The following LARS2 variants were observed in gnomAD, a reference collection of about 807,000 sequenced individuals.
LARS2 encodes leucyl-tRNA synthetase 2, mitochondrial, also known as leucine--tRNA ligase, mitochondrial.
Under a neutral mutation model 116.6 loss-of-function variants are expected in LARS2, and 81 were observed. The observed-to-expected ratio is 0.69, with a 90% CI of 0.58 to 0.84. The LOEUF (loss-of-function observed/expected upper bound fraction) is 0.84, where lower values mean the gene tolerates loss of function less well. Ranked by LOEUF, LARS2 falls within the 40% of genes least tolerant of loss-of-function variation. LARS2 has a pLI of 0.00. For missense variants in LARS2, 968 were observed against 1,114.5 expected, an observed-to-expected ratio of 0.87 and a Z score of 1.87; for synonymous variants, 396 against 407.2, an observed-to-expected ratio of 0.97 and a Z score of 0.33.
chr3:45,435,188 C>T (rs986078894), intron 6 of LARS2, among the ~76,000 whole-genome samples: 1 of 152,152 alleles, frequency 6.6e-6, no homozygotes, highest in African/African-American at 2.4e-5. Context: ...CTCCATTCGA[C>T]CTCCTCTGAC....
chr3:45,474,933 G>T (rs1343980249), intron 9 of LARS2, among the ~76,000 whole-genome samples: 1 of 152,200 alleles, frequency 6.6e-6, no homozygotes, highest in Non-Finnish European at 1.5e-5. Context: ...CTTAGGGATT[G>T]TGTTTGAAAC....
chr3:45,454,520 G>A (rs1699184064), intron 7 of LARS2, among the ~76,000 whole-genome samples: 1 of 152,178 alleles, frequency 6.6e-6, no homozygotes, highest in Non-Finnish European at 1.5e-5. Flanking sequence ...AATCGACCCA[G>A]AGCTCAGTGT....
At chr3:45,415,899 A>AGAGAGAGAGAGGGG (rs1698412932) in intron 4 of LARS2, among the ~76,000 whole-genome samples, 2 of 120,134 alleles carry the variant, frequency 1.7e-5, no homozygotes, top group Non-Finnish European at 3.4e-5. Context: ...AGAGGGAGAG[A>AGAGAGAGAGAGGGG]GAGAGAGAGA....
Position 45,485,731 on chromosome 3 carries a change from A to G in LARS2, c.1058A>G (p.Gln353Arg). 1 of 1,612,016 alleles carries G rather than the reference A, an allele frequency of 6.2e-7. No individual in the cohort carries two copies. The highest frequency in any genetic ancestry group is 8.5e-7 in the Non-Finnish European group (1 of 1,179,026). ...TPVMAVNMLT[Q>R]QEVPVVILAK... ...GTAATGGCTGTGAACATGCTTACCC[A>G]GCAGGAGGTCCCTGTCGTTATTTTG... Residue 353 changes from glutamine to arginine, a missense_variant, in exon 11 of 22, where the codon CAG becomes CGG. Coordinates refer to ENST00000645846, the MANE Select transcript of LARS2 (RefSeq NM_015340.4).
intron 20 of LARS2, among the ~76,000 whole-genome samples, chr3:45,540,131 C>T (rs932145909): frequency 5.9e-5 from 9 of 151,718 alleles, no homozygotes. Flanking sequence ...TGGTGGCAGG[C>T]GCCTGTAACC....
chr3:45,435,730 G>A (rs1356235170), intron 6 of LARS2, among the ~76,000 whole-genome samples: 2 of 151,752 alleles, frequency 1.3e-5, no homozygotes, highest in Admixed American at 1.3e-4. Flanking sequence ...GGGGCTTACC[G>A]GGCATTTAAA....
chr3:45,519,833 A>G (rs974846690), intron 18 of LARS2: 1 of 167,542 alleles, frequency 6.0e-6, no homozygotes, highest in African/African-American at 2.4e-5. Flanking sequence ...ATTTTTGTAG[A>G]AATGGGGTTT....
At chr3:45,427,245 A>C (rs1342473223) in intron 6 of LARS2, among the ~76,000 whole-genome samples, 3 of 152,214 alleles carry the variant, frequency 2.0e-5, no homozygotes, top group African/African-American at 7.2e-5. Context: ...GGTCTTGAAG[A>C]TGAGATTGTT....
Position 45,524,091 on chromosome 3 carries a change from C to A in LARS2, c.2387C>A (p.Thr796Asn). ...VMAAPLAPHVTSEIWAGLALV... is the reference protein window; with the variant it reads ...VMAAPLAPHVNSEIWAGLALV... ...GCTGCTCCACTGGCCCCTCATGTAACCTCAGAGATCTGGGCAGGTACGTGG... is the reference window on the plus strand; with the variant it reads ...GCTGCTCCACTGGCCCCTCATGTAAACTCAGAGATCTGGGCAGGTACGTGG... Residue 796 changes from threonine (T) to asparagine (N), a missense_variant, in exon 20 of 22, where the codon ACC (threonine) becomes AAC (asparagine). Coordinates refer to ENST00000645846, the MANE Select transcript of LARS2 (RefSeq NM_015340.4). The A allele has an allele frequency of 6.2e-7, 1 of 1,611,348 alleles. No individual in the cohort carries two copies. The highest frequency in any genetic ancestry group is 1.1e-5 in the South Asian group (1 of 91,034).
chr3:45,520,916 A>G (rs558720789), intron 19 of LARS2, among the ~76,000 whole-genome samples: 1 of 152,360 alleles, frequency 6.6e-6, no homozygotes, highest in African/African-American at 2.4e-5. Context: ...GGCCAGGCAC[A>G]GTGGCTCATG....
In LARS2 at chr3:45,548,008, T is replaced by C. The variant is rs1700899856; in HGVS notation, c.*478T>C. The C allele has an allele frequency of 6.5e-6, 1 of 153,714 alleles. No individual in the cohort carries two copies. Among genetic ancestry groups the C allele is most frequent in the Admixed American group, 6.5e-5 (1 of 15,322 alleles). 9.5% of individuals were successfully genotyped at this position (153,714 alleles called of 1,614,324 possible). Reference sequence around the variant, plus strand: ...TGGAACTGCTAACTGAGCCTCCAGATGGTAGTGAATGGTCTCTTTGCCTTC... The same window carrying C: ...TGGAACTGCTAACTGAGCCTCCAGACGGTAGTGAATGGTCTCTTTGCCTTC... On this transcript the variant is annotated 3_prime_UTR_variant, in exon 22 of 22. Transcript: ENST00000645846.
intron 6 of LARS2, among the ~76,000 whole-genome samples, chr3:45,430,747 A>G (rs1193308463): frequency 5.1e-5 from 7 of 137,280 alleles, no homozygotes; most frequent in East Asian, 2.2e-4. Context: ...ACCACGCCGG[A>G]CTAATTTTTT....
chr3:45,540,029 G>A (rs969903505), intron 20 of LARS2, among the ~76,000 whole-genome samples: 4 of 152,086 alleles, frequency 2.6e-5, no homozygotes, highest in African/African-American at 7.2e-5. Context: ...CCAGTGCTTC[G>A]GGTGCATCAC....
chr3:45,505,147 A>ACT (rs1700181377), intron 15 of LARS2, among the ~76,000 whole-genome samples: 1 of 151,908 alleles, frequency 6.6e-6, no homozygotes, highest in Non-Finnish European at 1.5e-5. Context: ...CAAACAGATA[A>ACT]AAGTTTATAT....
At chr3:45,390,960 C>A (rs1267656040) in intron 1 of LARS2, among the ~76,000 whole-genome samples, 1 of 152,056 alleles carries the variant, frequency 6.6e-6, no homozygotes, top group Non-Finnish European at 1.5e-5. Context: ...TTTTAAAATT[C>A]GATTTTTAGT....
Position 45,400,335 on chromosome 3 carries a change from G to T in LARS2, c.325G>T (p.Asp109Tyr). ...CCATGTGCGTGTCTACACCATCAGCGACACCATAGCACGGTTCCAGAAGAT... is the reference window on the plus strand; with the variant it reads ...CCATGTGCGTGTCTACACCATCAGCTACACCATAGCACGGTTCCAGAAGAT... ...MGHVRVYTIS[D>Y]TIARFQKMRG... is the part of the protein sequence containing the mutation. The change falls in exon 4 of 22, where the codon GAC becomes TAC. Residue 109 changes from aspartate to tyrosine, a missense_variant. Transcript: ENST00000645846. 1.2e-6 allele frequency: 2 copies of T among 1,613,872 alleles called. No individual in the cohort carries two copies. Among genetic ancestry groups the T allele is most frequent in the Non-Finnish European group, 1.7e-6 (2 of 1,179,892 alleles).
At chr3:45,515,780 C>A (rs1700361372) in intron 16 of LARS2, among the ~76,000 whole-genome samples, 1 of 152,146 alleles carries the variant, frequency 6.6e-6, no homozygotes, top group African/African-American at 2.4e-5. Flanking sequence ...TTTTTACTTT[C>A]CTTTTTTGTG....
At chr3:45,450,942 T>C (rs942862560) in intron 7 of LARS2, among the ~76,000 whole-genome samples, 1 of 152,202 alleles carries the variant, frequency 6.6e-6, no homozygotes, top group Admixed American at 6.5e-5. Context: ...TGATTAATGA[T>C]GTTAAACATT....
In LARS2 at chr3:45,485,612, C is replaced by T. The variant is rs189484577; in HGVS notation, c.1019-80C>T. On this transcript the variant is annotated intron_variant, in intron 10 of 21. Transcript: ENST00000645846. Reference sequence around the variant, plus strand: ...CACAGAAGTTCTAGTGCTTACTTTTCTCACTTGTTTCCTCTGAGATTCAGA... The same window carrying T: ...CACAGAAGTTCTAGTGCTTACTTTTTTCACTTGTTTCCTCTGAGATTCAGA... 8.5e-5 allele frequency: 65 copies of T among 763,852 alleles called. No homozygotes were observed. The East Asian group carries it at 1.7e-3, about 19-fold the overall frequency. The allele number at this position is 763,852 out of a possible 1,614,324, so 47.3% of individuals were successfully genotyped here. A position where few individuals can be genotyped will look rare whatever the true frequency, so the allele number is the denominator to read the frequency against.
Sources: allele counts gnomAD v4.1 joint callset (sites outside exome capture counted in the v4.1 genomes callset), GRCh38; gene constraint gnomAD v4.1.1; transcripts MANE v1.5; gene names NCBI Gene and HGNC (gene_info 2026-07-23, HGNC 2026-07-21).